Variants in KAZN observed in about 807,000 individuals in gnomAD.
KAZN encodes the protein kazrin.
Under a neutral mutation model 87.4 loss-of-function variants are expected in KAZN, and 40 were observed. The ratio of observed to expected loss-of-function variants is 0.46; its 90% CI spans 0.36 to 0.60. The LOEUF (loss-of-function observed/expected upper bound fraction) is 0.60, where lower values mean the gene tolerates loss of function less well. Ranked by LOEUF, KAZN falls within the 20% of genes least tolerant of loss-of-function variation. The pLI, the probability that KAZN is intolerant of heterozygous loss-of-function variation, is 0.00. For synonymous variants in KAZN, 466 were observed against 458.3 expected, an observed-to-expected ratio of 1.02 and a Z score of -0.22; for missense variants, 898 against 1,073.9, an observed-to-expected ratio of 0.84 and a Z score of 2.29.
intron 1 of KAZN, among the ~76,000 whole-genome samples, chr1:14,880,488 A>G (rs1308812937): frequency 2.6e-5 from 4 of 152,210 alleles, no homozygotes; most frequent in African/African-American, 9.6e-5. Flanking sequence ...TTTGTGGGTC[A>G]GGGAATTAGA....
At chr1:14,092,312 T>C (rs1644016890) in intron 1 of KAZN, among the ~76,000 whole-genome samples, 1 of 151,368 alleles carries the variant, frequency 6.6e-6, no homozygotes, top group East Asian at 1.9e-4. Flanking sequence ...AGGATGGTCT[T>C]GATCTCCTGA....
At chr1:14,386,934 G>A (rs559769103) in intron 2 of KAZN, among the ~76,000 whole-genome samples, 11 of 152,206 alleles carry the variant, frequency 7.2e-5, no homozygotes, top group South Asian at 4.2e-4. Flanking sequence ...CATTCTCCCC[G>A]TCACTTTCAG....
rs142640779 is a variant in KAZN, at chr1:13,997,834, G to C, written c.91+104078G>C. ...CAGGAGCACTTCCCCAACCCAGCAA[G>C]ACAGGCCAACATGCAAATTCAGAAA... On this transcript the variant is annotated intron_variant, in intron 1 of 16. Transcript: ENST00000636203. 4.8e-3 allele frequency among the ~76,000 whole-genome samples: 723 copies of C among 152,208 alleles called. 4 individuals are homozygous for C. Among genetic ancestry groups the C allele is most frequent in the African/African-American group, 0.017 (686 of 41,518 alleles).
At chr1:13,965,680 G>A (rs1323101082) in intron 1 of KAZN, among the ~76,000 whole-genome samples, 2 of 152,166 alleles carry the variant, frequency 1.3e-5, no homozygotes, top group African/African-American at 4.8e-5. Flanking sequence ...ACAGGTGAAT[G>A]GAATGAATTC....
At chr1:14,114,134 G>A (rs554748911) in intron 1 of KAZN, among the ~76,000 whole-genome samples, 1 of 152,342 alleles carries the variant, frequency 6.6e-6, no homozygotes, top group Admixed American at 6.5e-5. Flanking sequence ...CAGCCATGGC[G>A]GTGGCAGAGC....
chr1:14,668,861 C>T (rs939279232), intron 1 of KAZN, among the ~76,000 whole-genome samples: 11 of 152,156 alleles, frequency 7.2e-5, no homozygotes, highest in African/African-American at 2.7e-4. Flanking sequence ...AGCTTGACAT[C>T]AATTTGTAAC....
intron 2 of KAZN, among the ~76,000 whole-genome samples, chr1:14,547,589 G>A (rs1030488471): frequency 1.3e-5 from 2 of 152,122 alleles, no homozygotes; most frequent in South Asian, 2.1e-4. Context: ...TTAAAATAAC[G>A]CTGTTGTTGT....
intron 1 of KAZN, among the ~76,000 whole-genome samples, chr1:13,939,978 C>G (rs868768849): frequency 6.6e-6 from 1 of 152,148 alleles, no homozygotes; most frequent in African/African-American, 2.4e-5. Context: ...AAATCTGACT[C>G]CATGATCTAA....
At chr1:15,080,877 G>A (rs1009769202) in intron 8 of KAZN, among the ~76,000 whole-genome samples, 1 of 152,078 alleles carries the variant, frequency 6.6e-6, no homozygotes, top group African/African-American at 2.4e-5. Context: ...AGCTACACTC[G>A]GTGCTCCCCA....
intron 1 of KAZN, among the ~76,000 whole-genome samples, chr1:13,902,510 G>T (rs1159552196): frequency 2.0e-5 from 3 of 152,202 alleles, no homozygotes; most frequent in Admixed American, 6.5e-5. Context: ...TATCACTTGT[G>T]TTCCCAAACC....
At chr1:14,827,469 C>T (rs969385412) in intron 1 of KAZN, among the ~76,000 whole-genome samples, 5 of 152,250 alleles carry the variant, frequency 3.3e-5, no homozygotes, top group East Asian at 1.9e-4. Flanking sequence ...TTTGCGTCCT[C>T]GTAGCTTAGC....
chr1:14,989,302 C>G (rs1263948368), intron 2 of KAZN, among the ~76,000 whole-genome samples: 1 of 152,070 alleles, frequency 6.6e-6, no homozygotes, highest in Non-Finnish European at 1.5e-5. Flanking sequence ...ATGGTGAAAC[C>G]CTGTCTCTAC....
At chr1:14,890,509 C>CTT (rs34732218) in intron 1 of KAZN, among the ~76,000 whole-genome samples, 24,926 of 150,740 alleles carry the variant, frequency 0.17, 2,416 homozygotes, top group African/African-American at 0.28. Context: ...AAATTTAAAT[C>CTT]TTTTTTTTTT....
chr1:13,987,721 C>G (rs1639087610), intron 1 of KAZN, among the ~76,000 whole-genome samples: 1 of 152,106 alleles, frequency 6.6e-6, no homozygotes, highest in South Asian at 2.1e-4. Context: ...AATGAACCCA[C>G]TACTGTGATA....
At chr1:14,465,291 T>C (rs1320827672) in intron 2 of KAZN, among the ~76,000 whole-genome samples, 1 of 145,824 alleles carries the variant, frequency 6.9e-6, no homozygotes, top group Non-Finnish European at 1.5e-5. Flanking sequence ...CCCAGCTGCT[T>C]GGGAGGCTGA....
intron 1 of KAZN, among the ~76,000 whole-genome samples, chr1:14,011,527 A>G (rs1421329131): frequency 1.3e-5 from 2 of 152,192 alleles, no homozygotes; most frequent in South Asian, 2.1e-4. Context: ...CAGTGAGCTC[A>G]TTCTTCCTAT....
intron 2 of KAZN, among the ~76,000 whole-genome samples, chr1:14,332,250 G>C (rs908154694): frequency 1.3e-5 from 2 of 152,156 alleles, no homozygotes; most frequent in African/African-American, 4.8e-5. Context: ...GTGATGCTTG[G>C]TCCATTTTTA....
At chr1:14,741,264 C>T (rs749781895) in intron 1 of KAZN, among the ~76,000 whole-genome samples, 5 of 152,234 alleles carry the variant, frequency 3.3e-5, no homozygotes, top group Non-Finnish European at 7.3e-5. Context: ...CCATCTTTGC[C>T]TCCCCAGCAC....
chr1:14,718,270 C>T (rs1339351908), intron 1 of KAZN, among the ~76,000 whole-genome samples: 1 of 152,162 alleles, frequency 6.6e-6, no homozygotes, highest in East Asian at 1.9e-4. Flanking sequence ...TTTATGTTGC[C>T]ACCACATTTG....
Sources: allele counts gnomAD v4.1 joint callset (sites outside exome capture counted in the v4.1 genomes callset), GRCh38; gene constraint gnomAD v4.1.1; transcripts MANE v1.5; gene names NCBI Gene and HGNC (gene_info 2026-07-23, HGNC 2026-07-21).